BST1: variants seen among roughly 807,000 people sequenced by gnomAD.
BST1 encodes bone marrow stromal cell antigen 1.
BST1 carries 49 observed loss-of-function variants against 40.6 expected under a neutral mutation model. The ratio of observed to expected loss-of-function variants is 1.21; its 90% CI spans 0.96 to 1.53. The LOEUF is 1.53. Ranked by LOEUF, BST1 falls within the 40% of genes most tolerant of loss-of-function variation. The pLI is 0.00. For missense variants in BST1, 423 were observed against 395.9 expected (o/e 1.07, Z -0.58); for synonymous variants, 157 against 159.3 (o/e 0.99, Z 0.11).
the BST1 span, among the ~76,000 whole-genome samples, chr4:15,758,148 A>G: frequency 6.6e-6 from 1 of 151,960 alleles, no homozygotes; most frequent in East Asian, 1.9e-4. Context: ...ATTTTTTTTC[A>G]ACTTTTATTT....
At chr4:15,768,480 C>CTTTTTTTTTT in the BST1 span, among the ~76,000 whole-genome samples, 1 of 91,052 alleles carries the variant, frequency 1.1e-5, no homozygotes. Context: ...TGGACAGTAT[C>CTTTTTTTTTT]TTTTTTTTTT....
downstream of BST1, among the ~76,000 whole-genome samples, chr4:15,735,585 T>C (rs984877899): frequency 2.0e-5 from 3 of 152,270 alleles, no homozygotes; most frequent in African/African-American, 4.8e-5. Flanking sequence ...TGAGGGAAGA[T>C]GACAAGCAGC....
the BST1 span, among the ~76,000 whole-genome samples, chr4:15,748,592 C>T: frequency 3.9e-5 from 6 of 152,188 alleles, no homozygotes; most frequent in African/African-American, 1.2e-4. Flanking sequence ...ACCAAAGTTT[C>T]TTGATTATTC....
In BST1 at chr4:15,722,947, C is replaced by A; in HGVS notation, c.851+13C>A. 6 of 1,611,948 alleles carry A rather than the reference C, an allele frequency of 3.7e-6. No individual in the cohort carries two copies. Among genetic ancestry groups the A allele is most frequent in the Non-Finnish European group, 5.1e-6 (6 of 1,178,224 alleles). On this transcript the variant is annotated intron_variant, in intron 8 of 8. Transcript: ENST00000265016. ...GTGCCTTAAAGTCGTAAGTAAATGT[C>A]TTAACCCAAATCGTTCTTTCCAAAG...
the BST1 span, among the ~76,000 whole-genome samples, chr4:15,745,448 C>A: frequency 9.2e-3 from 1,403 of 152,222 alleles, 10 homozygotes; most frequent in South Asian, 0.022. Context: ...AAGTGTTTCA[C>A]GTTTTCATTT....
At position 15,703,079 on chromosome 4, in the gene BST1, C is replaced by T; in HGVS notation, c.-66C>T. ...TCCCGCCCTGCATCAGTTTGCGGAA[C>T]CGCCTTGGTAGAAGGAGAGAAGGGG... On this transcript the variant is annotated 5_prime_UTR_variant, in exon 1 of 9. Transcript: ENST00000265016. The T allele has an allele frequency of 6.7e-7, 1 of 1,488,264 alleles. No homozygotes were observed. Among genetic ancestry groups the T allele is most frequent in the Non-Finnish European group, 8.9e-7 (1 of 1,127,668 alleles). 92.2% of individuals were successfully genotyped at this position (1,488,264 alleles called of 1,614,324 possible).
At chr4:15,723,607 T>C (rs1470957302) in intron 8 of BST1, 3 of 985,280 alleles carry the variant, frequency 3.0e-6, no homozygotes, top group Non-Finnish European at 3.6e-6. Context: ...TATGTTGTTA[T>C]AGTAGTTGTT....
At chr4:15,769,967 G>C in the BST1 span, among the ~76,000 whole-genome samples, 1 of 152,106 alleles carries the variant, frequency 6.6e-6, no homozygotes, top group African/African-American at 2.4e-5. Context: ...AGCCTCCTGA[G>C]TAGCTGTGAT....
chr4:15,736,238 A>G (rs1459715507), downstream of BST1: 4 of 761,696 alleles, frequency 5.3e-6, no homozygotes, highest in Admixed American at 5.8e-5. Flanking sequence ...GCAATGTCCT[A>G]CGCTAGGGTC....
At chr4:15,750,752 T>C in the BST1 span, among the ~76,000 whole-genome samples, 2 of 152,234 alleles carry the variant, frequency 1.3e-5, no homozygotes. Flanking sequence ...ATCATGCTTG[T>C]TTTGCATATG....
intron 7 of BST1, among the ~76,000 whole-genome samples, chr4:15,721,563 A>G (rs1720810490): frequency 6.6e-6 from 1 of 151,674 alleles, no homozygotes; most frequent in Admixed American, 6.6e-5. Context: ...AGGACAGAAA[A>G]CCAAACACCG....
At chr4:15,750,239 A>G in the BST1 span, among the ~76,000 whole-genome samples, 1 of 152,042 alleles carries the variant, frequency 6.6e-6, no homozygotes, top group African/African-American at 2.4e-5. Flanking sequence ...TGTCCAGGCT[A>G]GTCTCAAACT....
At chr4:15,750,974 A>C in the BST1 span, among the ~76,000 whole-genome samples, 1 of 152,206 alleles carries the variant, frequency 6.6e-6, no homozygotes, top group African/African-American at 2.4e-5. Context: ...TGGAAATACA[A>C]AGGTGAATCC....
chr4:15,761,066 CA>C, the BST1 span, among the ~76,000 whole-genome samples: 1 of 151,682 alleles, frequency 6.6e-6, no homozygotes, highest in Non-Finnish European at 1.5e-5. Context: ...TTTTTTAAGA[CA>C]GAGTTTCGCT....
At chr4:15,772,595 G>GCTA in the BST1 span, among the ~76,000 whole-genome samples, 2 of 152,184 alleles carry the variant, frequency 1.3e-5, no homozygotes, top group Non-Finnish European at 2.9e-5. Context: ...TGGGCTAGGG[G>GCTA]GTCCAGACCA....
chr4:15,725,114 C>G (rs1312846355), intron 8 of BST1, among the ~76,000 whole-genome samples: 2 of 146,868 alleles, frequency 1.4e-5, no homozygotes. Context: ...GTCATTTAGA[C>G]AGAAGCCAGA....
chr4:15,725,982 TCTCTCTC>T (rs10557042), intron 8 of BST1, among the ~76,000 whole-genome samples: 15,173 of 108,974 alleles, frequency 0.14, 1,908 homozygotes, highest in East Asian at 0.57. Context: ...TGAGACGAGG[TCTCTCTC>T]CTCTCTCTGT....
intron 1 of BST1, 72 bp from the exon 2 acceptor site, chr4:15,705,443 A>G: frequency 1.4e-6 from 2 of 1,479,638 alleles, no homozygotes; most frequent in South Asian, 2.7e-5. Context: ...AAGCTCTTAG[A>G]CAAATGGGCA....
At chr4:15,734,788 T>C (rs552829326), downstream of BST1, among the ~76,000 whole-genome samples, 2 of 152,268 alleles carry the variant, frequency 1.3e-5, no homozygotes, top group Admixed American at 6.5e-5. Flanking sequence ...TTTTCATGTT[T>C]ATCCAAAAAA....
Sources: allele counts gnomAD v4.1 joint callset (sites outside exome capture counted in the v4.1 genomes callset), GRCh38; gene constraint gnomAD v4.1.1; transcripts MANE v1.5; gene names NCBI Gene and HGNC (gene_info 2026-07-23, HGNC 2026-07-21).